Variants in PARVB observed in about 807,000 individuals in gnomAD.
The protein encoded by PARVB is parvin beta, also known as beta-parvin.
In PARVB, 46 loss-of-function variants were observed where a neutral mutation model predicts 47.0. The ratio of observed to expected loss-of-function variants is 0.98; its 90% CI spans 0.77 to 1.25. The LOEUF is 1.25. Among genes scored for constraint, PARVB ranks in the 50% most tolerant of loss-of-function variants. The pLI, the probability that PARVB is intolerant of heterozygous loss-of-function variation, is 0.00. For synonymous variants in PARVB, 196 were observed against 196.3 expected (o/e 1.00, Z 0.01); for missense variants, 473 against 471.6 (o/e 1.00, Z -0.03).
chr22:44,134,988 C>T (rs2053411300), intron 6 of PARVB, among the ~76,000 whole-genome samples: 1 of 152,224 alleles, frequency 6.6e-6, no homozygotes, highest in Non-Finnish European at 1.5e-5. Flanking sequence ...CCTTGGCAGG[C>T]ACTCCTGAGA....
upstream of PARVB, among the ~76,000 whole-genome samples, chr22:44,019,874 A>G (rs1425197243): frequency 2.0e-5 from 3 of 152,362 alleles, no homozygotes; most frequent in East Asian, 1.9e-4. Context: ...TATCCAATAC[A>G]TAGCACTCCC....
At chr22:44,130,223 G>A (rs2147156138) in intron 4 of PARVB, among the ~76,000 whole-genome samples, 1 of 152,364 alleles carries the variant, frequency 6.6e-6, no homozygotes, top group South Asian at 2.1e-4. Context: ...CTGAGTGCTT[G>A]CAGTCACCCT....
intron 12 of PARVB, among the ~76,000 whole-genome samples, chr22:44,166,510 A>C (rs1330272308): frequency 6.6e-6 from 1 of 152,198 alleles, no homozygotes. Flanking sequence ...CTGAGCCCGG[A>C]TGTGTTTCCT....
intron 1 of PARVB, among the ~76,000 whole-genome samples, chr22:44,036,024 G>A (rs572082075): frequency 6.6e-6 from 1 of 152,114 alleles, no homozygotes; most frequent in Non-Finnish European, 1.5e-5. Flanking sequence ...TTGGGAGGCC[G>A]AGGCGGGCGG....
At chr22:44,088,965 C>T (rs556619813) in intron 1 of PARVB, among the ~76,000 whole-genome samples, 20 of 152,280 alleles carry the variant, frequency 1.3e-4, no homozygotes, top group African/African-American at 4.1e-4. Flanking sequence ...ATTAATGGCT[C>T]GTATTTATAA....
intron 1 of PARVB, among the ~76,000 whole-genome samples, chr22:44,077,536 C>A (rs2051804085): frequency 6.6e-6 from 1 of 152,202 alleles, no homozygotes; most frequent in Non-Finnish European, 1.5e-5. Flanking sequence ...TCTTCCAGAT[C>A]CCCAGACCTA....
rs2050935427 is a variant in PARVB, at chr22:44,037,085, G to A, written c.112+12634G>A. Among the ~76,000 whole-genome samples the A allele has an allele frequency of 3.3e-5, 5 of 152,138 alleles. No homozygotes were observed. In the South Asian group the frequency reaches 1.0e-3, roughly 32 times the overall value. On this transcript the variant is annotated intron_variant, in intron 1 of 12. Transcript: ENST00000338758. ...GCTTATAATCCCAGTACTTTGGGAG[G>A]CCAAGGCAGGAGGATCGCTTGAGCC...
intron 1 of PARVB, among the ~76,000 whole-genome samples, chr22:44,031,792 C>T (rs186364463): frequency 4.6e-5 from 7 of 152,218 alleles, no homozygotes; most frequent in Non-Finnish European, 7.4e-5. Flanking sequence ...GTGGGTTCAT[C>T]CCTGCTGCGA....
rs747108331 is a variant in PARVB at position 44,132,951 on chromosome 22, A to T, written c.575A>T (p.His192Leu). ...ILHLLVSLAM[H>L]FRAPIRLPEH... ...CACCTGCTGGTCTCTCTGGCCATGCACTTCAGGGCCCCCATCCGCCTTCCT... is the reference window on the plus strand; with the variant it reads ...CACCTGCTGGTCTCTCTGGCCATGCTCTTCAGGGCCCCCATCCGCCTTCCT... Residue 192 changes from histidine to leucine, a missense_variant, in exon 6 of 13, where the codon CAC (histidine) becomes CTC (leucine). Coordinates refer to ENST00000338758, the MANE Select transcript of PARVB (RefSeq NM_013327.5). The T allele has an allele frequency of 6.2e-7, 1 of 1,613,968 alleles. No homozygotes were observed.
intron 2 of PARVB, among the ~76,000 whole-genome samples, chr22:44,098,580 C>T (rs960318943): frequency 1.3e-5 from 2 of 152,088 alleles, no homozygotes; most frequent in Admixed American, 6.5e-5. Context: ...ACATGGAGGA[C>T]GCCGGCCTTG....
upstream of PARVB, among the ~76,000 whole-genome samples, chr22:44,023,751 C>G (rs772214027): frequency 3.3e-5 from 5 of 152,070 alleles, no homozygotes; most frequent in Non-Finnish European, 7.4e-5. Context: ...TACCGGCCTG[C>G]AAGCCATTTC....
intron 11 of PARVB, among the ~76,000 whole-genome samples, chr22:44,161,417 G>A (rs979172365): frequency 1.3e-5 from 2 of 150,772 alleles, no homozygotes; most frequent in Admixed American, 6.7e-5. Context: ...GGGTTCAAGC[G>A]ATTCTTCTGC....
At chr22:44,016,956 A>G (rs1229213817) in intron 2 of PARVB, among the ~76,000 whole-genome samples, 1 of 152,060 alleles carries the variant, frequency 6.6e-6, no homozygotes, top group Non-Finnish European at 1.5e-5. Context: ...GCTCACTGCA[A>G]CCTCTGCCTC....
chr22:44,167,135 C>T (rs1247711755), intron 12 of PARVB, among the ~76,000 whole-genome samples: 1 of 152,012 alleles, frequency 6.6e-6, no homozygotes, highest in Non-Finnish European at 1.5e-5. Flanking sequence ...GCCCCCTGCC[C>T]CCTTGTGGGG....
chr22:44,005,755 G>T (rs545066235), intron 2 of PARVB, among the ~76,000 whole-genome samples: 1 of 152,082 alleles, frequency 6.6e-6, no homozygotes, highest in East Asian at 1.9e-4. Context: ...CAGACTGGTC[G>T]CAGGCCACTT....
chr22:44,119,881 G>A (rs1323596457), intron 4 of PARVB: 2 of 528,242 alleles, frequency 3.8e-6, no homozygotes, highest in Admixed American at 3.9e-5. Context: ...GGGCGGCCTT[G>A]CAGCTCATAT....
intron 6 of PARVB, among the ~76,000 whole-genome samples, chr22:44,135,553 G>A (rs974270313): frequency 2.6e-5 from 4 of 152,128 alleles, no homozygotes; most frequent in Non-Finnish European, 4.4e-5. Context: ...CACTGTGCCC[G>A]GCCATCATTG....
Position 44,169,270 on chromosome 22 carries a change from C to T in PARVB, c.*592C>T, listed in dbSNP as rs1448141234. 1 of 150,622 alleles carries T rather than the reference C, an allele frequency of 6.6e-6. No homozygotes were observed. Among genetic ancestry groups the T allele is most frequent in the East Asian group, 1.9e-4 (1 of 5,206 alleles). The allele number at this position is 150,622 out of a possible 1,614,324, so 9.3% of individuals were successfully genotyped here. A position where few individuals can be genotyped will look rare whatever the true frequency, so the allele number is the denominator to read the frequency against. ...TTAGATGTGACATGGGTGTCCTCCA[C>T]CCACATTCCTATCACTTCTTGGTCA... On this transcript the variant is annotated 3_prime_UTR_variant, in exon 13 of 13. Coordinates refer to ENST00000338758, the MANE Select transcript of PARVB (RefSeq NM_013327.5).
chr22:43,999,859 C>T (rs79409014), intron 2 of PARVB, among the ~76,000 whole-genome samples: 1 of 79,312 alleles, frequency 1.3e-5, no homozygotes, highest in African/African-American at 5.7e-5. Flanking sequence ...AAAAAAAAAA[C>T]AGCTGGGTGT....
Sources: gnomAD v4.1 joint callset for allele counts (sites outside exome capture counted in the v4.1 genomes callset) on GRCh38, gnomAD v4.1.1 for gene constraint, MANE v1.5 for transcripts, NCBI Gene and HGNC (gene_info 2026-07-23, HGNC 2026-07-21) for gene names.